The following ZRANB3 variants were observed in gnomAD, a reference collection of about 807,000 sequenced individuals.
The protein encoded by ZRANB3 is zinc finger RANBP2-type containing 3.
A neutral mutation model predicts 133.8 loss-of-function variants in ZRANB3; 125 were observed. The ratio of observed to expected loss-of-function variants is 0.93; its 90% CI spans 0.81 to 1.08. ZRANB3 has a LOEUF of 1.08. ZRANB3 is among the 50% of genes least tolerant of loss of function. The probability of loss-of-function intolerance (pLI) is 0.00; values close to 1 mark genes in which losing one functional copy is unlikely to be tolerated. For missense variants in ZRANB3, 1,229 were observed against 1,275.5 expected, an observed-to-expected ratio of 0.96 and a Z score of 0.56; for synonymous variants, 387 against 432.7, an observed-to-expected ratio of 0.89 and a Z score of 1.31.
At chr2:135,299,259 G>A (rs1291300311) in intron 8 of ZRANB3, among the ~76,000 whole-genome samples, 2 of 152,066 alleles carry the variant, frequency 1.3e-5, no homozygotes, top group Non-Finnish European at 2.9e-5. Flanking sequence ...CCTCTGCTGT[G>A]TCATACAGGT....
At chr2:135,200,763 T>G (rs1268480390) in intron 20 of ZRANB3, among the ~76,000 whole-genome samples, 2 of 151,386 alleles carry the variant, frequency 1.3e-5, no homozygotes, top group African/African-American at 4.9e-5. Context: ...GTTTTTTTTT[T>G]TTTTTTTTTT....
At chr2:135,348,210 G>T (rs1320554894) in intron 5 of ZRANB3, among the ~76,000 whole-genome samples, 1 of 150,796 alleles carries the variant, frequency 6.6e-6, no homozygotes, top group East Asian at 1.9e-4. Context: ...TGTGAGCCGA[G>T]ATCATGCCAC....
At chr2:135,500,903 G>A (rs1407951330) in intron 2 of ZRANB3, among the ~76,000 whole-genome samples, 2 of 151,842 alleles carry the variant, frequency 1.3e-5, no homozygotes, top group African/African-American at 2.4e-5. Context: ...GACATTAATA[G>A]AAGCATAGGA....
At chr2:135,343,028 A>C (rs1164638845) in intron 6 of ZRANB3, among the ~76,000 whole-genome samples, 3 of 146,370 alleles carry the variant, frequency 2.0e-5, no homozygotes, top group Admixed American at 6.7e-5. Context: ...AAAAAAAAAA[A>C]AAAAAAACAT....
chr2:135,252,360 A>G (rs566315799), intron 12 of ZRANB3, among the ~76,000 whole-genome samples: 1 of 152,314 alleles, frequency 6.6e-6, no homozygotes, highest in South Asian at 2.1e-4. Context: ...TAAAAAATAT[A>G]AAGAAAAGAT....
At chr2:135,365,606 G>A (rs1558946004) in intron 3 of ZRANB3, among the ~76,000 whole-genome samples, 3 of 152,102 alleles carry the variant, frequency 2.0e-5, no homozygotes, top group African/African-American at 2.4e-5. Flanking sequence ...TGAATTTGTT[G>A]ATCACAAATG....
intron 6 of ZRANB3, among the ~76,000 whole-genome samples, chr2:135,341,896 C>G (rs1003357640): frequency 6.7e-6 from 1 of 149,830 alleles, no homozygotes; most frequent in African/African-American, 2.6e-5. Flanking sequence ...GCTCTTGAAC[C>G]CTGTTAAGAT....
rs148300644 is a variant in ZRANB3, at chr2:135,239,982, C to CA, written c.1540-9056dup. 3.7e-3 allele frequency among the ~76,000 whole-genome samples: 411 copies of CA among 110,892 alleles called. 2 individuals are homozygous for CA. The highest frequency in any genetic ancestry group is 0.011 in the South Asian group (38 of 3,506). The allele number at this position is 110,892 out of a possible 152,430, so 72.7% of individuals were successfully genotyped here. A position where few individuals can be genotyped will look rare whatever the true frequency, so the allele number is the denominator to read the frequency against. ...TGGGCAATGGAGCAAGACTCCATGTCAAAAAAAAAAAAAGGGTGGAGGAAA... is the reference window on the plus strand; with the variant it reads ...TGGGCAATGGAGCAAGACTCCATGTCAAAAAAAAAAAAAAGGGTGGAGGAAA... On this transcript the variant is annotated intron_variant, in intron 12 of 20. Coordinates refer to ENST00000264159, the MANE Select transcript of ZRANB3 (RefSeq NM_032143.4).
intron 3 of ZRANB3, among the ~76,000 whole-genome samples, chr2:135,374,686 G>A (rs1242155925): frequency 6.6e-6 from 1 of 151,948 alleles, no homozygotes; most frequent in Non-Finnish European, 1.5e-5. Flanking sequence ...ATTTTTGGTA[G>A]AGATGGGGTT....
Position 135,198,685 on chromosome 2 carries a change from G to C in ZRANB3, c.*1657C>G, listed in dbSNP as rs559483226. On this transcript the variant is annotated 3_prime_UTR_variant, in exon 21 of 21. Coordinates refer to ENST00000264159, the MANE Select transcript of ZRANB3 (RefSeq NM_032143.4). ...TGCCTGCTTCTTGGCTCTCAACCGT[G>C]ACAAATCCTAGGTTACCTTGGAAAT... 37 of 152,200 alleles carry C rather than the reference G, an allele frequency of 2.4e-4. No homozygotes were observed. Among genetic ancestry groups the C allele is most frequent in the African/African-American group, 8.9e-4 (37 of 41,518 alleles). 9.4% of individuals were successfully genotyped at this position (152,200 alleles called of 1,614,324 possible).
rs139435778 is a variant in ZRANB3 at position 135,203,312 on chromosome 2, AATAG to A, written c.3010-353_3010-350del. Among the ~76,000 whole-genome samples the A allele has an allele frequency of 1.0e-2, 1,516 of 152,278 alleles. 22 individuals carry two copies. The highest frequency in any genetic ancestry group is 0.035 in the African/African-American group (1,443 of 41,552). On this transcript the variant is annotated intron_variant, in intron 19 of 20. Transcript: ENST00000264159. ...AAACCAAATCTAAGAAAAGAATAAGAATAGATTAGAAATTTAAAACTTCTCAGCC... is the reference window on the plus strand; with the variant it reads ...AAACCAAATCTAAGAAAAGAATAAGAATTAGAAATTTAAAACTTCTCAGCC...
At chr2:135,402,451 C>T (rs988335392) in intron 2 of ZRANB3, among the ~76,000 whole-genome samples, 2 of 151,886 alleles carry the variant, frequency 1.3e-5, no homozygotes, top group Non-Finnish European at 2.9e-5. Flanking sequence ...CCCACCACCA[C>T]GTCCGGCTAA....
intron 2 of ZRANB3, among the ~76,000 whole-genome samples, chr2:135,426,381 A>T (rs1335080892): frequency 1.3e-5 from 2 of 152,074 alleles, no homozygotes; most frequent in African/African-American, 4.8e-5. Context: ...AGCCACAACA[A>T]CAACAACAAC....
intron 2 of ZRANB3, among the ~76,000 whole-genome samples, chr2:135,398,586 T>A (rs1687602570): frequency 6.9e-6 from 1 of 144,448 alleles, no homozygotes; most frequent in South Asian, 2.3e-4. Context: ...TGGCGCTATC[T>A]CGGCTCACTG....
chr2:135,530,739 C>G (rs1277085970), intron 1 of ZRANB3: 1 of 152,288 alleles, frequency 6.6e-6, no homozygotes, highest in Non-Finnish European at 1.5e-5. Context: ...GGGCTCTGTA[C>G]AGCCTCGCGA....
chr2:135,382,896 C>G (rs924074396), intron 3 of ZRANB3, among the ~76,000 whole-genome samples: 70 of 152,232 alleles, frequency 4.6e-4, no homozygotes, highest in African/African-American at 1.6e-3. Context: ...ATGCCAAATT[C>G]TAAAGACCAT....
intron 8 of ZRANB3, among the ~76,000 whole-genome samples, chr2:135,301,479 C>T (rs890807438): frequency 8.5e-5 from 13 of 152,108 alleles, no homozygotes; most frequent in African/African-American, 2.9e-4. Flanking sequence ...AGCCACCACA[C>T]CTAGCTATGT....
intron 15 of ZRANB3, among the ~76,000 whole-genome samples, chr2:135,222,161 T>C (rs1262275851): frequency 6.6e-6 from 1 of 152,046 alleles, no homozygotes; most frequent in Non-Finnish European, 1.5e-5. Context: ...TCCCAGCACT[T>C]TGGGAGGCTG....
intron 6 of ZRANB3, among the ~76,000 whole-genome samples, chr2:135,326,700 GA>G (rs1287217936): frequency 6.6e-6 from 1 of 151,892 alleles, no homozygotes; most frequent in East Asian, 1.9e-4. Flanking sequence ...AGGAGATTGG[GA>G]CCATCCTGGC....
Sources: allele counts gnomAD v4.1 joint callset (sites outside exome capture counted in the v4.1 genomes callset), GRCh38; gene constraint gnomAD v4.1.1; transcripts MANE v1.5; gene names NCBI Gene and HGNC (gene_info 2026-07-23, HGNC 2026-07-21).